ITGA8: variants seen among roughly 807,000 people sequenced by gnomAD.
The protein encoded by ITGA8 is integrin alpha-8.
ITGA8 carries 91 observed loss-of-function variants against 142.3 expected under a neutral mutation model. The ratio of observed to expected loss-of-function variants is 0.64; its 90% CI spans 0.54 to 0.76. The LOEUF (loss-of-function observed/expected upper bound fraction) is 0.76. Among genes scored for constraint, ITGA8 ranks in the 30% least tolerant of loss-of-function variants. The probability of loss-of-function intolerance (pLI) is 0.00; values close to 1 mark genes in which losing one functional copy is unlikely to be tolerated. For synonymous variants in ITGA8, 505 were observed against 485.2 expected (o/e 1.04, Z -0.54); for missense variants, 1,406 against 1,327.7 (o/e 1.06, Z -0.92).
chr10:15,651,545 G>A (rs531829392), intron 11 of ITGA8, among the ~76,000 whole-genome samples: 34 of 148,456 alleles, frequency 2.3e-4, no homozygotes, highest in African/African-American at 7.2e-4. Flanking sequence ...TTTTTTTTTC[G>A]TGATGTTGAG....
intron 20 of ITGA8, among the ~76,000 whole-genome samples, chr10:15,603,040 T>A (rs1833130903): frequency 6.6e-6 from 1 of 152,142 alleles, no homozygotes; most frequent in African/African-American, 2.4e-5. Context: ...TTGGAGTTTT[T>A]TTTTTCTTAT....
At chr10:15,582,685 A>G (rs7088077) in intron 23 of ITGA8, among the ~76,000 whole-genome samples, 5,015 of 152,354 alleles carry the variant, frequency 0.033, 282 homozygotes, top group African/African-American at 0.11. Flanking sequence ...AAGATGCCCA[A>G]TGTAACTGGT....
intron 14 of ITGA8, among the ~76,000 whole-genome samples, chr10:15,615,830 TA>T (rs1833381982): frequency 6.6e-6 from 1 of 152,094 alleles, no homozygotes; most frequent in Non-Finnish European, 1.5e-5. Flanking sequence ...CTTTTTTTTT[TA>T]AAAGAAGCTA....
At chr10:15,702,453 G>A (rs900856646) in intron 2 of ITGA8, among the ~76,000 whole-genome samples, 2 of 152,100 alleles carry the variant, frequency 1.3e-5, no homozygotes, top group South Asian at 2.1e-4. Context: ...ACTGTGCCCA[G>A]CTAATTTTTG....
chr10:15,579,941 CAGA>C (rs76161990), intron 23 of ITGA8, among the ~76,000 whole-genome samples: 7,673 of 150,838 alleles, frequency 0.051, 225 homozygotes, highest in East Asian at 0.11. Context: ...CATTTCTGCA[CAGA>C]AGAAGTAGAA....
intron 13 of ITGA8, 121 bp downstream of exon 13, chr10:15,643,909 G>A: frequency 1.3e-6 from 1 of 782,400 alleles, no homozygotes; most frequent in Non-Finnish European, 2.0e-6. Flanking sequence ...AAAAGCCTGT[G>A]GCATGCTTAA....
intron 28 of ITGA8, among the ~76,000 whole-genome samples, chr10:15,525,114 T>G (rs997904537): frequency 1.3e-5 from 2 of 152,114 alleles, no homozygotes; most frequent in Non-Finnish European, 2.9e-5. Flanking sequence ...GCTCAAGCAA[T>G]CCTCCTGCTT....
chr10:15,701,291 A>G (rs1835158941), intron 2 of ITGA8, among the ~76,000 whole-genome samples: 1 of 152,172 alleles, frequency 6.6e-6, no homozygotes, highest in South Asian at 2.1e-4. Flanking sequence ...CATGGAGTAT[A>G]TTTCTGAATC....
rs192582639 is a variant in ITGA8 at position 15,587,788 on chromosome 10, G to A, written c.2292-1124C>T. 4.7e-4 allele frequency among the ~76,000 whole-genome samples: 72 copies of A among 152,116 alleles called. No individual in the cohort carries two copies. In the Middle Eastern group the frequency reaches 0.01, roughly 22 times the overall value. On this transcript the variant is annotated intron_variant, in intron 22 of 29. Coordinates refer to ENST00000378076, the MANE Select transcript of ITGA8 (RefSeq NM_003638.3). ...CAAAATTATTTTTTAAGTTTGCTGG[G>A]GTTTTTTCTCTCCAGCAAATATAAT...
At chr10:15,522,148 A>T (rs534409741) in intron 28 of ITGA8, among the ~76,000 whole-genome samples, 2 of 152,224 alleles carry the variant, frequency 1.3e-5, no homozygotes, top group Non-Finnish European at 2.9e-5. Context: ...GATATCCTAA[A>T]TGCCCTGATT....
chr10:15,637,469 C>T (rs977874783), intron 13 of ITGA8, among the ~76,000 whole-genome samples: 4 of 151,658 alleles, frequency 2.6e-5, no homozygotes, highest in Admixed American at 2.0e-4. Flanking sequence ...TCAGGTAATC[C>T]GATTTTCCTT....
intron 27 of ITGA8, among the ~76,000 whole-genome samples, 155 bp from the exon 28 acceptor site, chr10:15,531,306 C>A (rs1833287790): frequency 6.6e-6 from 1 of 151,896 alleles, no homozygotes; most frequent in South Asian, 2.1e-4. Flanking sequence ...TTCCTCCCAC[C>A]CAAGCATTCA....
intron 2 of ITGA8, among the ~76,000 whole-genome samples, chr10:15,714,075 T>G (rs1366023891): frequency 6.6e-6 from 1 of 152,178 alleles, no homozygotes; most frequent in Non-Finnish European, 1.5e-5. Context: ...TTGATGATTA[T>G]CATAATTAAT....
intron 2 of ITGA8, among the ~76,000 whole-genome samples, chr10:15,713,844 A>G (rs916858888): frequency 6.6e-6 from 1 of 151,982 alleles, no homozygotes; most frequent in Non-Finnish European, 1.5e-5. Context: ...TTCCATTTTA[A>G]GTTTTCTTTT....
At chr10:15,680,527 G>A (rs1834717979) in intron 4 of ITGA8, among the ~76,000 whole-genome samples, 2 of 151,906 alleles carry the variant, frequency 1.3e-5, no homozygotes, top group African/African-American at 4.8e-5. Flanking sequence ...AAGCTCATAT[G>A]TGTAAATATT....
At chr10:15,542,711 C>T (rs1429619026) in intron 27 of ITGA8, among the ~76,000 whole-genome samples, 1 of 152,144 alleles carries the variant, frequency 6.6e-6, no homozygotes, top group Admixed American at 6.5e-5. Flanking sequence ...GATTCTCCCC[C>T]TTACTATCTA....
intron 2 of ITGA8, among the ~76,000 whole-genome samples, chr10:15,712,126 G>T (rs1033214139): frequency 2.6e-5 from 4 of 152,186 alleles, no homozygotes; most frequent in Non-Finnish European, 4.4e-5. Flanking sequence ...GGAACACCTT[G>T]CTTTATGCAA....
At chr10:15,636,916 G>A (rs1210608464) in intron 13 of ITGA8, among the ~76,000 whole-genome samples, 5 of 152,302 alleles carry the variant, frequency 3.3e-5, no homozygotes, top group East Asian at 3.9e-4. Context: ...AGGTCAAGGC[G>A]GGTGGATCAC....
At chr10:15,528,506 C>T (rs74403890) in intron 28 of ITGA8, among the ~76,000 whole-genome samples, 38 of 127,212 alleles carry the variant, frequency 3.0e-4, no homozygotes, top group South Asian at 7.9e-4. Context: ...GATAAAAAGT[C>T]TTTTTTTTTT....
Sources: allele counts gnomAD v4.1 joint callset (sites outside exome capture counted in the v4.1 genomes callset), GRCh38; gene constraint gnomAD v4.1.1; transcripts MANE v1.5; gene names NCBI Gene and HGNC (gene_info 2026-07-23, HGNC 2026-07-21).